The following AFG1L variants were observed in gnomAD, a reference collection of about 807,000 sequenced individuals.
AFG1L encodes the protein AFG1-like ATPase.
In AFG1L, 53 loss-of-function variants were observed where a neutral mutation model predicts 62.2. The observed-to-expected ratio is 0.85, with a 90% confidence interval of 0.68 to 1.07. The LOEUF is 1.07. Among genes scored for constraint, AFG1L ranks in the 50% least tolerant of loss-of-function variants. The pLI is 0.00. For synonymous variants in AFG1L, 228 were observed against 210.3 expected (o/e 1.08, Z -0.73); for missense variants, 555 against 590.5 (o/e 0.94, Z 0.62).
At chr6:108,386,930 G>A (rs1208889325) in intron 6 of AFG1L, among the ~76,000 whole-genome samples, 1 of 152,116 alleles carries the variant, frequency 6.6e-6, no homozygotes, top group African/African-American at 2.4e-5. Context: ...ATTTTAAAAT[G>A]TATTCAAATA....
intron 7 of AFG1L, among the ~76,000 whole-genome samples, chr6:108,434,496 A>G (rs1771219571): frequency 6.6e-6 from 1 of 152,058 alleles, no homozygotes; most frequent in East Asian, 1.9e-4. Flanking sequence ...AGCTCTGTTG[A>G]TCTATCCACT....
intron 11 of AFG1L, among the ~76,000 whole-genome samples, chr6:108,516,411 T>C (rs1774895956): frequency 6.6e-6 from 1 of 152,302 alleles, no homozygotes; most frequent in East Asian, 1.9e-4. Flanking sequence ...CACATGATTA[T>C]CTCAATAGAT....
At position 108,434,674 on chromosome 6, in the gene AFG1L, A is replaced by G. The variant is rs192877295; in HGVS notation, c.808-12540A>G. Among the ~76,000 whole-genome samples the G allele has an allele frequency of 1.3e-3, 194 of 152,252 alleles. 1 individual carries two copies. The highest frequency in any genetic ancestry group is 4.4e-3 in the African/African-American group (183 of 41,548). On this transcript the variant is annotated intron_variant, in intron 7 of 12. Coordinates refer to ENST00000368977, the MANE Select transcript of AFG1L (RefSeq NM_145315.5). ...CTGTCACCTCCCTTCCTAAATCTTT[A>G]CATTACTTCCATTTTATGGACTTAG...
chr6:108,472,146 A>G (rs1772921994), intron 8 of AFG1L, among the ~76,000 whole-genome samples: 1 of 152,218 alleles, frequency 6.6e-6, no homozygotes, highest in Admixed American at 6.5e-5. Flanking sequence ...AAAAAGTCAA[A>G]TACTTAGAAA....
At chr6:108,382,094 A>T (rs1220739870) in intron 6 of AFG1L, among the ~76,000 whole-genome samples, 1 of 143,696 alleles carries the variant, frequency 7.0e-6, no homozygotes, top group Non-Finnish European at 1.5e-5. Context: ...TCTGCCTGCC[A>T]GGTTTAAGCG....
intron 7 of AFG1L, among the ~76,000 whole-genome samples, chr6:108,413,190 AG>A: frequency 6.6e-6 from 1 of 152,238 alleles, no homozygotes; most frequent in Non-Finnish European, 1.5e-5. Context: ...ATAATGGTAA[AG>A]GGATCAATTC....
At chr6:108,490,367 A>G (rs960994131) in intron 10 of AFG1L, among the ~76,000 whole-genome samples, 4 of 150,120 alleles carry the variant, frequency 2.7e-5, no homozygotes, top group Non-Finnish European at 5.9e-5. Flanking sequence ...TCAAAAGCAA[A>G]CAAACAAACA....
intron 2 of AFG1L, chr6:108,344,741 C>G (rs995944206): frequency 2.1e-6 from 1 of 470,978 alleles, no homozygotes. Flanking sequence ...TTTCTGAACT[C>G]ACTCCACCCT....
intron 5 of AFG1L, among the ~76,000 whole-genome samples, chr6:108,364,884 A>G (rs1270144105): frequency 6.6e-6 from 1 of 151,742 alleles, no homozygotes; most frequent in African/African-American, 2.4e-5. Context: ...AAAAAAAAAA[A>G]AAGTACATCT....
At chr6:108,339,427 A>C (rs1422041255) in intron 2 of AFG1L, among the ~76,000 whole-genome samples, 1 of 150,364 alleles carries the variant, frequency 6.7e-6, no homozygotes, top group Non-Finnish European at 1.5e-5. Context: ...GGTGTGAGCC[A>C]CTGCACCCAG....
chr6:108,376,629 A>G (rs1199098120), intron 6 of AFG1L, among the ~76,000 whole-genome samples: 1 of 152,072 alleles, frequency 6.6e-6, no homozygotes, highest in Non-Finnish European at 1.5e-5. Context: ...GTCCAAGAGT[A>G]TGGTTGATAT....
chr6:108,366,318 A>C lies in AFG1L; in HGVS notation c.734A>C (p.Asn245Thr). 1 of 1,610,968 alleles carries C rather than the reference A, an allele frequency of 6.2e-7. No homozygotes were observed. The highest frequency in any genetic ancestry group is 8.5e-7 in the Non-Finnish European group (1 of 1,177,696). ...GGGGTCGTCGTTGTGGCAACATCCA[A>C]CAGGCCACCGGAAGGTAAAAACAAA... ...KNGVVVVATS[N>T]RPPEDLYKNG... Residue 245 changes from asparagine to threonine, a missense_variant, in exon 6 of 13, where the codon AAC becomes ACC. Asn to Thr is a moderately conservative substitution (Grantham distance 65). Transcript: ENST00000368977.
At chr6:108,440,930 A>G (rs1582591295) in intron 7 of AFG1L, among the ~76,000 whole-genome samples, 1 of 152,204 alleles carries the variant, frequency 6.6e-6, no homozygotes, top group African/African-American at 2.4e-5. Flanking sequence ...GAAAAACACT[A>G]ATAATTTTGA....
intron 10 of AFG1L, among the ~76,000 whole-genome samples, chr6:108,480,341 C>T (rs1348529016): frequency 6.6e-6 from 1 of 152,096 alleles, no homozygotes; most frequent in Non-Finnish European, 1.5e-5. Context: ...ATATTGTCCC[C>T]ATTTTATAGG....
rs1388789774 is a variant in AFG1L at position 108,524,191 on chromosome 6, A to G, written c.*1766A>G. 1 of 152,254 alleles carries G rather than the reference A, an allele frequency of 6.6e-6. No individual in the cohort carries two copies. The highest frequency in any genetic ancestry group is 1.9e-4 in the East Asian group (1 of 5,202). The allele number at this position is 152,254 out of a possible 1,614,324, so 9.4% of individuals were successfully genotyped here. A position where few individuals can be genotyped will look rare whatever the true frequency, so the allele number is the denominator to read the frequency against. On this transcript the variant is annotated 3_prime_UTR_variant, in exon 13 of 13. Transcript: ENST00000368977. Reference sequence around the variant, plus strand: ...TGAATGAAGTTGAAGATAAATTCACAACAGAACCATTGATTTGAACTCAGT... The same window carrying G: ...TGAATGAAGTTGAAGATAAATTCACGACAGAACCATTGATTTGAACTCAGT...
In AFG1L at chr6:108,324,818, C is replaced by T. The variant is rs1401916259; in HGVS notation, c.363+770C>T. 2.0e-5 allele frequency among the ~76,000 whole-genome samples: 3 copies of T among 152,060 alleles called. No individual in the cohort carries two copies. In the East Asian group the frequency reaches 5.8e-4, roughly 29 times the overall value. ...AAGCGATCGTCCTGCCTCAGCCTCC[C>T]AAGTAACTGGGTAACAAGCGTGGAC... On this transcript the variant is annotated intron_variant, in intron 2 of 12. Transcript: ENST00000368977.
chr6:108,379,449 C>G (rs1780402101), intron 6 of AFG1L, among the ~76,000 whole-genome samples: 1 of 152,200 alleles, frequency 6.6e-6, no homozygotes. Flanking sequence ...CTGGCAGAAG[C>G]TCTCTGTTGC....
intron 10 of AFG1L, among the ~76,000 whole-genome samples, chr6:108,485,766 G>A (rs1409652272): frequency 7.2e-6 from 1 of 139,494 alleles, no homozygotes; most frequent in African/African-American, 2.7e-5. Flanking sequence ...AGCCCCCCAG[G>A]CTCAAGCAAT....
In AFG1L at chr6:108,295,154, G is replaced by T; in HGVS notation, c.75G>T (p.Gly25=). Residue 25 remains glycine, a synonymous_variant, in exon 1 of 13, where the codon GGG becomes GGT. Transcript: ENST00000368977. ...AQSPLRGRCV[G]CGAWAAALAP... ...GCCCGCTGAGAGGGAGATGTGTTGG[G>T]TGCGGGGCCTGGGCCGCCGCTCTCG... is the stretch of plus-strand genomic sequence containing the variant. 3.1e-6 allele frequency: 5 copies of T among 1,610,076 alleles called. No homozygotes were observed. Among genetic ancestry groups the T allele is most frequent in the Non-Finnish European group, 3.4e-6 (4 of 1,179,972 alleles).
Sources: gnomAD v4.1 joint callset for allele counts (sites outside exome capture counted in the v4.1 genomes callset) on GRCh38, gnomAD v4.1.1 for gene constraint, MANE v1.5 for transcripts, NCBI Gene and HGNC (gene_info 2026-07-23, HGNC 2026-07-21) for gene names.